MTPN: variants seen among roughly 807,000 people sequenced by gnomAD.
MTPN encodes myotrophin.
A neutral mutation model predicts 13.5 loss-of-function variants in MTPN; 2 were observed. The ratio of observed to expected loss-of-function variants is 0.15; its 90% CI spans 0.06 to 0.47. MTPN has a LOEUF of 0.47. Ranked by LOEUF, MTPN falls within the 20% of genes least tolerant of loss-of-function variation. The pLI, the probability that MTPN is intolerant of heterozygous loss-of-function variation, is 0.97. For synonymous variants in MTPN, 46 were observed against 51.7 expected, an observed-to-expected ratio of 0.89 and a Z score of 0.48; for missense variants, 79 against 137.9, an observed-to-expected ratio of 0.57 and a Z score of 2.14.
chr7:135,927,160 T>A lies in MTPN; in HGVS notation c.*2766A>T, dbSNP rs1798932649. ...TAGAAAAAAAAATCAAACAGATACA[T>A]ACAGATTTAAAATCCAGTACTTGGG... On this transcript the variant is annotated 3_prime_UTR_variant, in exon 4 of 4. Transcript: ENST00000393085. 2.6e-6 allele frequency: 2 copies of A among 767,540 alleles called. No individual in the cohort carries two copies. Among genetic ancestry groups the A allele is most frequent in the Non-Finnish European group, 3.9e-6 (2 of 510,276 alleles). 47.5% of individuals were successfully genotyped at this position (767,540 alleles called of 1,614,324 possible).
At chr7:135,939,694 T>C (rs1225641500) in intron 3 of MTPN, among the ~76,000 whole-genome samples, 2 of 151,400 alleles carry the variant, frequency 1.3e-5, no homozygotes, top group Admixed American at 6.6e-5. Context: ...GTTTAGATCA[T>C]TGTAGTAAGG....
intron 3 of MTPN, among the ~76,000 whole-genome samples, chr7:135,947,848 A>G (rs1318092393): frequency 6.6e-6 from 1 of 152,150 alleles, no homozygotes; most frequent in Non-Finnish European, 1.5e-5. Context: ...ATGATACAGC[A>G]TATCATATAA....
chr7:135,974,773 C>T (rs1007017818), intron 1 of MTPN, among the ~76,000 whole-genome samples: 7 of 152,078 alleles, frequency 4.6e-5, no homozygotes, highest in African/African-American at 1.4e-4. Flanking sequence ...TGAGTGTTCA[C>T]AAATTGGTAG....
chr7:135,943,999 G>GGT (rs1466099979), intron 3 of MTPN, among the ~76,000 whole-genome samples: 1 of 151,960 alleles, frequency 6.6e-6, no homozygotes, highest in African/African-American at 2.4e-5. Flanking sequence ...CTCATGCTGG[G>GGT]GTATAACTTT....
At chr7:135,952,030 A>G (rs1799370702) in intron 1 of MTPN, among the ~76,000 whole-genome samples, 1 of 152,188 alleles carries the variant, frequency 6.6e-6, no homozygotes. Context: ...ACTTTGATGT[A>G]GGCAGCCATC....
At chr7:135,944,555 T>C (rs1678178506) in intron 3 of MTPN, among the ~76,000 whole-genome samples, 2 of 151,954 alleles carry the variant, frequency 1.3e-5, no homozygotes, top group African/African-American at 4.8e-5. Context: ...TCCCAGCTAC[T>C]TGGGAGGCTG....
At chr7:135,962,529 T>C (rs62489152) in intron 1 of MTPN, among the ~76,000 whole-genome samples, 17,052 of 152,054 alleles carry the variant, frequency 0.11, 1,208 homozygotes, top group East Asian at 0.16. Flanking sequence ...GTGGTTAAAT[T>C]AATATGAAAT....
At chr7:135,935,586 CT>C (rs1312072058) in intron 3 of MTPN, among the ~76,000 whole-genome samples, 1 of 152,136 alleles carries the variant, frequency 6.6e-6, no homozygotes, top group Admixed American at 6.5e-5. Flanking sequence ...TTTGGGTGTT[CT>C]TTCTCAAATG....
chr7:135,936,846 G>A (rs1395300045), intron 3 of MTPN, among the ~76,000 whole-genome samples: 7 of 152,114 alleles, frequency 4.6e-5, no homozygotes, highest in Admixed American at 6.5e-5. Context: ...GGGAGTAAAC[G>A]TTTTTAAGGC....
chr7:135,972,215 ACACGCGCACG>A (rs1562937984), intron 1 of MTPN, among the ~76,000 whole-genome samples: 2 of 85,950 alleles, frequency 2.3e-5, no homozygotes, highest in Non-Finnish European at 4.9e-5. Flanking sequence ...ACACACGCGC[ACACGCGCACG>A]CGCGCGCACA....
At chr7:135,955,837 A>G (rs1799435198) in intron 1 of MTPN, among the ~76,000 whole-genome samples, 1 of 121,632 alleles carries the variant, frequency 8.2e-6, no homozygotes, top group Non-Finnish European at 1.8e-5. Flanking sequence ...ATCTCAATGG[A>G]TTATAAAAAA....
intron 3 of MTPN, among the ~76,000 whole-genome samples, chr7:135,938,573 T>C (rs926320843): frequency 3.9e-5 from 6 of 152,228 alleles, no homozygotes; most frequent in Admixed American, 2.0e-4. Flanking sequence ...TAAAAAACCA[T>C]TGAAACAGCT....
chr7:135,974,103 G>A (rs1324864375), intron 1 of MTPN, among the ~76,000 whole-genome samples: 1 of 152,050 alleles, frequency 6.6e-6, no homozygotes, highest in African/African-American at 2.4e-5. Flanking sequence ...GTGGTTTGGG[G>A]ACTGTGAACT....
chr7:135,958,856 T>C (rs1303706589), intron 1 of MTPN, among the ~76,000 whole-genome samples: 2 of 152,164 alleles, frequency 1.3e-5, no homozygotes, highest in Non-Finnish European at 2.9e-5. Context: ...CTCAAGGATA[T>C]CTCTGAAACA....
intron 3 of MTPN, among the ~76,000 whole-genome samples, chr7:135,948,637 C>A (rs1053279141): frequency 3.3e-5 from 5 of 152,120 alleles, no homozygotes; most frequent in Admixed American, 6.5e-5. Flanking sequence ...AACTTACAAC[C>A]ACAAGGTCTC....
At chr7:135,961,025 T>C (rs778406019) in intron 1 of MTPN, among the ~76,000 whole-genome samples, 2 of 151,980 alleles carry the variant, frequency 1.3e-5, no homozygotes, top group Non-Finnish European at 2.9e-5. Flanking sequence ...AAACTGCAAT[T>C]GCAAAATTAA....
At chr7:135,973,378 T>C (rs767952676) in intron 1 of MTPN, among the ~76,000 whole-genome samples, 1 of 151,700 alleles carries the variant, frequency 6.6e-6, no homozygotes, top group African/African-American at 2.4e-5. Flanking sequence ...GTAGTCTTGG[T>C]AACCCTCAGA....
intron 3 of MTPN, among the ~76,000 whole-genome samples, chr7:135,939,398 T>C (rs1392204754): frequency 6.6e-6 from 1 of 151,952 alleles, no homozygotes. Context: ...TCTTCTTTGC[T>C]TTCCTCTACT....
intron 3 of MTPN, among the ~76,000 whole-genome samples, chr7:135,940,251 A>G (rs1799188751): frequency 6.6e-6 from 1 of 152,206 alleles, no homozygotes; most frequent in Non-Finnish European, 1.5e-5. Flanking sequence ...TTCGGAAACT[A>G]CTAAAAATGG....
Sources: gnomAD v4.1 joint callset for allele counts (sites outside exome capture counted in the v4.1 genomes callset) on GRCh38, gnomAD v4.1.1 for gene constraint, MANE v1.5 for transcripts, NCBI Gene and HGNC (gene_info 2026-07-23, HGNC 2026-07-21) for gene names.